Variants in DSCAM observed in about 807,000 individuals in gnomAD.
DSCAM encodes DS cell adhesion molecule.
In DSCAM, 47 loss-of-function variants were observed where a neutral mutation model predicts 217.7. The ratio of observed to expected loss-of-function variants is 0.22; its 90% CI spans 0.17 to 0.28. The LOEUF (loss-of-function observed/expected upper bound fraction) is 0.28. Among genes scored for constraint, DSCAM ranks in the 10% least tolerant of loss-of-function variants. The pLI is 1.00. For synonymous variants in DSCAM, 1,056 were observed against 1,015.3 expected, an observed-to-expected ratio of 1.04 and a Z score of -0.76; for missense variants, 2,080 against 2,618.3, an observed-to-expected ratio of 0.79 and a Z score of 4.49.
chr21:40,779,749 G>C (rs1341082090), intron 1 of DSCAM, among the ~76,000 whole-genome samples: 1 of 152,188 alleles, frequency 6.6e-6, no homozygotes, highest in Non-Finnish European at 1.5e-5. Flanking sequence ...AGCCGGGCCT[G>C]GCAAAGGGAT....
chr21:40,560,368 A>G (rs1408512037), intron 3 of DSCAM, among the ~76,000 whole-genome samples: 1 of 152,102 alleles, frequency 6.6e-6, no homozygotes, highest in African/African-American at 2.4e-5. Context: ...GGAAAGCTGG[A>G]GGTAAGGATC....
intron 11 of DSCAM, among the ~76,000 whole-genome samples, chr21:40,275,713 A>G (rs891480617): frequency 7.2e-5 from 11 of 152,222 alleles, no homozygotes; most frequent in African/African-American, 2.7e-4. Flanking sequence ...GGCTTTGTAA[A>G]GAGCACATCT....
In DSCAM at chr21:40,176,685, T is replaced by C. The variant is rs189979603; in HGVS notation, c.2947+2242A>G. The stretch of plus-strand genomic sequence containing the variant: ...CTAGAACCTGCTCCTTTCCTTCCCT[T>C]CCCCTTAGCTCCTCTGAATATTAAA... On this transcript the variant is annotated intron_variant, in intron 15 of 32. Transcript: ENST00000400454. Among the ~76,000 whole-genome samples, 220 of 152,310 alleles carry C rather than the reference T, an allele frequency of 1.4e-3. 2 individuals carry two copies. Among genetic ancestry groups the C allele is most frequent in the African/African-American group, 5.1e-3 (214 of 41,588 alleles).
At chr21:40,278,101 T>C (rs183685194) in intron 10 of DSCAM, among the ~76,000 whole-genome samples, 2 of 151,962 alleles carry the variant, frequency 1.3e-5, no homozygotes, top group Admixed American at 6.5e-5. Flanking sequence ...TAACAACCAA[T>C]TGGGAATAAA....
chr21:40,398,542 C>T (rs2075202879), intron 3 of DSCAM, among the ~76,000 whole-genome samples: 2 of 152,156 alleles, frequency 1.3e-5, no homozygotes, highest in African/African-American at 4.8e-5. Context: ...AGTCCCAACA[C>T]CCTTGCTCTG....
At chr21:40,545,706 G>A (rs2076576980) in intron 3 of DSCAM, among the ~76,000 whole-genome samples, 2 of 152,184 alleles carry the variant, frequency 1.3e-5, no homozygotes, top group Non-Finnish European at 2.9e-5. Flanking sequence ...CACACTGCAG[G>A]CATTGAGCTG....
intron 27 of DSCAM, among the ~76,000 whole-genome samples, chr21:40,063,634 T>C (rs2146521737): frequency 6.6e-6 from 1 of 152,316 alleles, no homozygotes; most frequent in Middle Eastern, 3.4e-3. Flanking sequence ...TTTTATTTCA[T>C]TGCTCTCTAA....
At chr21:40,700,166 G>A (rs1344348315) in intron 2 of DSCAM, among the ~76,000 whole-genome samples, 2 of 152,194 alleles carry the variant, frequency 1.3e-5, no homozygotes, top group African/African-American at 2.4e-5. Flanking sequence ...AAACAAGAAG[G>A]TCTGGGTCAC....
chr21:40,693,063 A>G, intron 2 of DSCAM, 107 bp from the exon 3 acceptor site: 2 of 1,274,718 alleles, frequency 1.6e-6, no homozygotes, highest in Non-Finnish European at 2.1e-6. Context: ...CAATTGCATA[A>G]CATATCTTTC....
At chr21:40,607,769 C>T (rs896237081) in intron 3 of DSCAM, among the ~76,000 whole-genome samples, 7 of 152,112 alleles carry the variant, frequency 4.6e-5, no homozygotes, top group Admixed American at 3.9e-4. Flanking sequence ...TGAGGCCTCC[C>T]CAGCCACGTG....
chr21:40,695,594 T>A (rs556876326), intron 2 of DSCAM, among the ~76,000 whole-genome samples: 1 of 152,306 alleles, frequency 6.6e-6, no homozygotes, highest in African/African-American at 2.4e-5. Context: ...AGAAGAAAAC[T>A]GCACACTCCC....
intron 3 of DSCAM, among the ~76,000 whole-genome samples, chr21:40,590,710 G>C (rs1420039399): frequency 6.6e-6 from 1 of 152,124 alleles, no homozygotes; most frequent in East Asian, 1.9e-4. Flanking sequence ...TCTCCCTTTT[G>C]TAACTTTTGA....
chr21:40,172,463 G>A (rs1307846069), intron 15 of DSCAM, among the ~76,000 whole-genome samples: 1 of 152,210 alleles, frequency 6.6e-6, no homozygotes, highest in African/African-American at 2.4e-5. Context: ...CCAAACGCAT[G>A]GATCTCCGCT....
chr21:40,156,326 A>G (rs2090478304), intron 16 of DSCAM, among the ~76,000 whole-genome samples: 1 of 142,202 alleles, frequency 7.0e-6, no homozygotes, highest in African/African-American at 2.9e-5. Flanking sequence ...AGAGAGAGAG[A>G]GAGAGAGAGA....
chr21:40,631,847 G>A (rs776793090), intron 3 of DSCAM, among the ~76,000 whole-genome samples: 9 of 152,136 alleles, frequency 5.9e-5, no homozygotes, highest in Non-Finnish European at 1.0e-4. Flanking sequence ...TGGGCTTGTG[G>A]TGCAGAAGGA....
chr21:40,577,990 T>A (rs1157746621), intron 3 of DSCAM, among the ~76,000 whole-genome samples: 1 of 152,160 alleles, frequency 6.6e-6, no homozygotes, highest in Non-Finnish European at 1.5e-5. Context: ...ATGGAGTCTA[T>A]CTGGCTCTCT....
chr21:40,219,666 T>A (rs1349564833), intron 11 of DSCAM, among the ~76,000 whole-genome samples: 1 of 152,178 alleles, frequency 6.6e-6, no homozygotes, highest in African/African-American at 2.4e-5. Flanking sequence ...CTTTAAAAAA[T>A]TTTCCTGCCA....
rs1358208657 is a variant in DSCAM, at chr21:40,301,606, A to ACACT, written c.2063-5433_2063-5432insAGTG. Among the ~76,000 whole-genome samples the ACACT allele has an allele frequency of 2.6e-4, 40 of 152,188 alleles. 7 individuals are homozygous for ACACT. In the Middle Eastern group the frequency reaches 0.01, roughly 39 times the overall value. Reference sequence around the variant, plus strand: ...TTAATTACTTACCATAGCCTTTATTACGCTCATCTGGTATTGCTGTTTAAC... The same window carrying ACACT: ...TTAATTACTTACCATAGCCTTTATTACACTCGCTCATCTGGTATTGCTGTTTAAC... On this transcript the variant is annotated intron_variant, in intron 9 of 32. Transcript: ENST00000400454.
At chr21:40,716,945 A>G (rs887683314) in intron 1 of DSCAM, among the ~76,000 whole-genome samples, 5 of 152,254 alleles carry the variant, frequency 3.3e-5, no homozygotes, top group South Asian at 2.1e-4. Context: ...AGCATAAGTG[A>G]TAGAGAAACT....
Sources: gnomAD v4.1 joint callset for allele counts (sites outside exome capture counted in the v4.1 genomes callset) on GRCh38, gnomAD v4.1.1 for gene constraint, MANE v1.5 for transcripts, NCBI Gene and HGNC (gene_info 2026-07-23, HGNC 2026-07-21) for gene names.